Variants in UBXN4 observed in about 807,000 individuals in gnomAD.
The protein encoded by UBXN4 is UBX domain protein 4.
In UBXN4, 35 loss-of-function variants were observed where a neutral mutation model predicts 66.2. The observed-to-expected ratio is 0.53, with a 90% CI of 0.40 to 0.70. The LOEUF is 0.70. UBXN4 is among the 30% of genes least tolerant of loss of function. The pLI, the probability that UBXN4 is intolerant of heterozygous loss-of-function variation, is 0.00. For missense variants in UBXN4, 533 were observed against 599.8 expected (o/e 0.89, Z 1.16); for synonymous variants, 203 against 204.5 (o/e 0.99, Z 0.06).
chr2:135,776,532 T>G (rs1477421511), intron 10 of UBXN4, among the ~76,000 whole-genome samples, 181 bp downstream of exon 10: 2 of 152,244 alleles, frequency 1.3e-5, no homozygotes, highest in East Asian at 3.8e-4. Context: ...GGGAGTAACA[T>G]ATCTGCTTTG....
chr2:135,774,758 T>C (rs2077402839), intron 9 of UBXN4, among the ~76,000 whole-genome samples: 1 of 151,490 alleles, frequency 6.6e-6, no homozygotes, highest in South Asian at 2.1e-4. Flanking sequence ...AGCATGAGAA[T>C]CGCTTGAACC....
chr2:135,777,857 TGTG>T (rs554039048), intron 10 of UBXN4, among the ~76,000 whole-genome samples: 62 of 150,016 alleles, frequency 4.1e-4, no homozygotes, highest in Middle Eastern at 3.4e-3. Context: ...TACTCCAGTC[TGTG>T]CAACAGAGCA....
At chr2:135,756,612 A>T (rs2077279926) in intron 5 of UBXN4, among the ~76,000 whole-genome samples, 1 of 152,162 alleles carries the variant, frequency 6.6e-6, no homozygotes, top group Admixed American at 6.5e-5. Flanking sequence ...TCTATTATGG[A>T]TGTTCATTTA....
At position 135,779,059 on chromosome 2, in the gene UBXN4, G is replaced by C; in HGVS notation, c.1165G>C (p.Ala389Pro). The C allele has an allele frequency of 6.2e-7, 1 of 1,612,838 alleles. No individual in the cohort carries two copies. Among genetic ancestry groups the C allele is most frequent in the Non-Finnish European group, 8.5e-7 (1 of 1,179,534 alleles). The change falls in exon 11 of 13, where the codon GCT (alanine) becomes CCT (proline). Residue 389 changes from alanine to proline, a missense_variant. Ala to Pro is a conservative substitution (Grantham distance 27, BLOSUM62 -1). This residue lies in a region of UBXN4 where 529 missense variants were observed against 580.1 expected (regional missense o/e 0.91). Coordinates refer to ENST00000272638, the MANE Select transcript of UBXN4 (RefSeq NM_014607.4). ...KLLDLELAPS[A>P]SVVLLPAGRP... ...ACTGGATTTGGAACTTGCCCCAAGCGCTTCGGTGGTACTGTTGCCAGTATG... is the reference window on the plus strand; with the variant it reads ...ACTGGATTTGGAACTTGCCCCAAGCCCTTCGGTGGTACTGTTGCCAGTATG...
chr2:135,782,710 T>G (rs1292916179), intron 12 of UBXN4, 39 bp from the exon 13 acceptor site: 1 of 1,599,388 alleles, frequency 6.3e-7, no homozygotes, highest in East Asian at 2.2e-5. Flanking sequence ...TGTTTTTATT[T>G]TATGACATCT....
intron 10 of UBXN4, among the ~76,000 whole-genome samples, chr2:135,778,656 AAAG>A (rs1474938393): frequency 3.3e-5 from 5 of 152,230 alleles, no homozygotes; most frequent in African/African-American, 9.6e-5. Context: ...AACAGTACTT[AAAG>A]GAGATACACA....
At chr2:135,753,715 A>T (rs1040161238) in intron 3 of UBXN4, 148 bp downstream of exon 3, 11 of 691,934 alleles carry the variant, frequency 1.6e-5, no homozygotes, top group African/African-American at 3.8e-5. Flanking sequence ...TCCTCATTTA[A>T]AAAAAATGTT....
At chr2:135,782,221 T>C (rs188468202) in intron 12 of UBXN4, among the ~76,000 whole-genome samples, 37 of 152,368 alleles carry the variant, frequency 2.4e-4, no homozygotes, top group Non-Finnish European at 2.9e-4. Context: ...TCTAGAGTTA[T>C]AAAAGTCTGT....
At chr2:135,746,832 T>A (rs1324448701) in intron 1 of UBXN4, among the ~76,000 whole-genome samples, 1 of 151,968 alleles carries the variant, frequency 6.6e-6, no homozygotes, top group Non-Finnish European at 1.5e-5. Flanking sequence ...GCTTTTACTT[T>A]GAGGAAAATG....
rs180828136 is a variant in UBXN4 at position 135,771,289 on chromosome 2, C to T, written c.822+554C>T. Among the ~76,000 whole-genome samples the T allele has an allele frequency of 9.9e-5, 15 of 152,104 alleles. No homozygotes were observed. In the East Asian group the frequency reaches 1.2e-3, roughly 12 times the overall value. ...GTCGGGAGTTCAAGACTTGCCTGGC[C>T]GACATGGTGAAACGCCATCTCTACT... is the stretch of plus-strand genomic sequence containing the variant. On this transcript the variant is annotated intron_variant, in intron 8 of 12. Coordinates refer to ENST00000272638, the MANE Select transcript of UBXN4 (RefSeq NM_014607.4).
At chr2:135,777,283 G>C (rs1276256422) in intron 10 of UBXN4, among the ~76,000 whole-genome samples, 3 of 152,088 alleles carry the variant, frequency 2.0e-5, no homozygotes, top group Non-Finnish European at 4.4e-5. Flanking sequence ...CTCATTATAT[G>C]TATCAGTATT....
rs898666885 is a variant in UBXN4, at chr2:135,769,636, T to TA, written c.603-130dup. 4.7e-6 allele frequency: 3 copies of TA among 632,580 alleles called. No homozygotes were observed. The African/African-American group carries it at 5.7e-5, about 12-fold the overall frequency. 39.2% of individuals were successfully genotyped at this position (632,580 alleles called of 1,614,324 possible). The stretch of plus-strand genomic sequence containing the variant: ...CTGTAGGGGCCTGAAGCCAGGCAGA[T>TA]AAATAGTTGCTTGCTTTTTGTTTGT... On this transcript the variant is annotated intron_variant, in intron 6 of 12. Coordinates refer to ENST00000272638, the MANE Select transcript of UBXN4 (RefSeq NM_014607.4).
At chr2:135,778,798 C>A (rs535917118) in intron 10 of UBXN4, 150 bp from the exon 11 acceptor site, 2 of 844,974 alleles carry the variant, frequency 2.4e-6, no homozygotes, top group African/African-American at 1.8e-5. Context: ...TGCTTAGGGG[C>A]TGGAAGCACA....
At chr2:135,764,912 C>G (rs1351193937) in intron 6 of UBXN4, among the ~76,000 whole-genome samples, 2 of 152,006 alleles carry the variant, frequency 1.3e-5, no homozygotes, top group Non-Finnish European at 2.9e-5. Context: ...CCACCCAGTT[C>G]AAGTGGTCCT....
rs1205846786 is a variant in UBXN4 at position 135,754,267 on chromosome 2, A to G, written c.323A>G (p.Lys108Arg). Residue 108 changes from lysine to arginine, a missense_variant, in exon 4 of 13, where the codon AAG (lysine) becomes AGG (arginine). Lys to Arg is a conservative substitution (Grantham distance 26). Around this residue, in one of 2 missense-constraint regions of UBXN4, gnomAD observed 529 missense variants for 580.1 expected, o/e 0.91. Coordinates refer to ENST00000272638, the MANE Select transcript of UBXN4 (RefSeq NM_014607.4). ...GATGAACTTGTTACAAGAATTCACAAGGTCCGACAGGTAAGAAGGAACAGA... is the reference window on the plus strand; with the variant it reads ...GATGAACTTGTTACAAGAATTCACAGGGTCCGACAGGTAAGAAGGAACAGA... Reference protein sequence around the residue: ...SADELVTRIHKVRQMHLLKSE... With the variant: ...SADELVTRIHRVRQMHLLKSE... 2.5e-6 allele frequency: 4 copies of G among 1,611,822 alleles called. No individual in the cohort carries two copies. The South Asian group carries it at 4.4e-5, about 18-fold the overall frequency.
Position 135,776,348 on chromosome 2 carries a change from A to C in UBXN4, c.1050A>C (p.Ala350=). 1 of 1,611,876 alleles carries C rather than the reference A, an allele frequency of 6.2e-7. No homozygotes were observed. The highest frequency in any genetic ancestry group is 8.5e-7 in the Non-Finnish European group (1 of 1,178,788). Reference sequence around the variant, plus strand: ...TAGAAGAGGCAAGGCAGTTTGCTGCACAGGTAAATTTATGTCTTGAGTTGT... The same window carrying C: ...TAGAAGAGGCAAGGCAGTTTGCTGCCCAGGTAAATTTATGTCTTGAGTTGT... ...APLEEARQFA[A]QTVGNTYGNF... The change falls in exon 10 of 13, where the codon GCA becomes GCC. Residue 350 remains alanine, a synonymous_variant. Coordinates refer to ENST00000272638, the MANE Select transcript of UBXN4 (RefSeq NM_014607.4).
intron 6 of UBXN4, among the ~76,000 whole-genome samples, chr2:135,766,478 T>G (rs1470601448): frequency 6.6e-6 from 1 of 152,204 alleles, no homozygotes; most frequent in African/African-American, 2.4e-5. Context: ...CAAGATCCAG[T>G]CAAGGATTGT....
At chr2:135,742,126 C>G in intron 1 of UBXN4, 115 bp downstream of exon 1, 1 of 1,252,748 alleles carries the variant, frequency 8.0e-7, no homozygotes, top group Non-Finnish European at 1.1e-6. Context: ...CCTGTCGGCT[C>G]GCACAATTGC....
intron 10 of UBXN4, 96 bp downstream of exon 10, chr2:135,776,447 T>C: frequency 9.5e-7 from 1 of 1,051,202 alleles, no homozygotes; most frequent in Admixed American, 2.3e-5. Context: ...TGTGAGTGAA[T>C]TGTGACCTCT....
Sources: allele counts gnomAD v4.1 joint callset (sites outside exome capture counted in the v4.1 genomes callset), GRCh38; gene constraint gnomAD v4.1.1; regional missense constraint gnomAD v4.1.1; transcripts MANE v1.5; gene names NCBI Gene and HGNC (gene_info 2026-07-23, HGNC 2026-07-21).